NAV2: variants seen among roughly 807,000 people sequenced by gnomAD.
NAV2 encodes the protein neuron navigator 2, also known as helicase, APC down-regulated 1.
Under a neutral mutation model 223.2 loss-of-function variants are expected in NAV2, and 54 were observed. That is an observed-to-expected ratio of 0.24 (90% CI 0.19 to 0.30). NAV2 has a LOEUF of 0.30. Among genes scored for constraint, NAV2 ranks in the 10% least tolerant of loss-of-function variants. NAV2 has a pLI of 1.00. For missense variants in NAV2, 2,806 were observed against 3,147.5 expected (o/e 0.89, Z 2.60); for synonymous variants, 1,279 against 1,239.3 (o/e 1.03, Z -0.67).
In NAV2 at chr11:19,933,035, C is replaced by A; in HGVS notation, c.932-141C>A. On this transcript the variant is annotated intron_variant, in intron 6 of 37. Transcript: ENST00000349880. This position sits in a 1 kb window ranked among gnomAD's most constrained non-coding sequence, Gnocchi z 4.3. ...CAAGCCAGAAATTAAAACCTAACCA[C>A]AGATAATCCACAAAGTGGGCAATGG... 9.6e-7 allele frequency: 1 copy of A among 1,046,274 alleles called. No individual in the cohort carries two copies. The highest frequency in any genetic ancestry group is 1.3e-6 in the Non-Finnish European group (1 of 762,580). The allele number at this position is 1,046,274 out of a possible 1,614,324, so 64.8% of individuals were successfully genotyped here.
intron 1 of NAV2, among the ~76,000 whole-genome samples, chr11:19,774,449 TTACAGGTGTGAGC>T (rs1337166303): frequency 1.3e-5 from 2 of 152,220 alleles, no homozygotes; most frequent in Non-Finnish European, 2.9e-5. Flanking sequence ...AGTGCTAGGA[TTACAGGTGTGAGC>T]TACCGCGCTC....
Position 19,619,788 on chromosome 11 carries a change from T to G in NAV2, c.76-212696T>G, listed in dbSNP as rs183259102. Among the ~76,000 whole-genome samples, 1,289 of 152,154 alleles carry G rather than the reference T, an allele frequency of 8.5e-3. 7 individuals carry two copies. The highest frequency in any genetic ancestry group is 0.017 in the Admixed American group (257 of 15,278). On this transcript the variant is annotated intron_variant, in intron 1 of 37. Coordinates refer to the NAV2 transcript ENST00000360655. ...AATTAGACCCCATTTGTCAATTTTG[T>G]CTTTTGTTGCCATTGCTTTTGGTGT...
chr11:19,461,979 G>T (rs9633841), intron 1 of NAV2, among the ~76,000 whole-genome samples: 92,086 of 151,422 alleles, frequency 0.61, 28,730 homozygotes, highest in Non-Finnish European at 0.7. Context: ...CTAATTTTTT[G>T]TGTGTTTTTA....
chr11:20,056,251 C>T (rs2058356608), intron 19 of NAV2, among the ~76,000 whole-genome samples: 1 of 152,206 alleles, frequency 6.6e-6, no homozygotes, highest in African/African-American at 2.4e-5. Context: ...GGACTTGGGC[C>T]ACAGCTTCTT....
At chr11:19,451,098 C>T (rs924089602) in intron 1 of NAV2, among the ~76,000 whole-genome samples, 1 of 152,132 alleles carries the variant, frequency 6.6e-6, no homozygotes, top group Admixed American at 6.5e-5. Flanking sequence ...CTTTAGCTGT[C>T]CCCAGGTTAA....
At chr11:19,527,628 G>A (rs545252515) in intron 1 of NAV2, among the ~76,000 whole-genome samples, 7 of 38,836 alleles carry the variant, frequency 1.8e-4, no homozygotes, top group East Asian at 1.9e-3. Context: ...CCCCCACCCC[G>A]TCCACTCAGC....
chr11:19,517,407 A>G (rs2043492040), intron 1 of NAV2, among the ~76,000 whole-genome samples: 1 of 152,216 alleles, frequency 6.6e-6, no homozygotes, highest in Non-Finnish European at 1.5e-5. Context: ...TTAAATGAGA[A>G]TAATGACACC....
intron 1 of NAV2, among the ~76,000 whole-genome samples, chr11:19,376,296 T>G (rs1457053893): frequency 6.6e-6 from 1 of 152,208 alleles, no homozygotes; most frequent in Non-Finnish European, 1.5e-5. Flanking sequence ...AAAAAACAAT[T>G]GCTGGTGAAG....
At chr11:19,754,309 C>G (rs2054071095) in intron 1 of NAV2, among the ~76,000 whole-genome samples, 1 of 152,110 alleles carries the variant, frequency 6.6e-6, no homozygotes, top group Non-Finnish European at 1.5e-5. Flanking sequence ...GAATAAGGTG[C>G]CTGTTACATG....
chr11:19,813,096 G>A (rs1435095588), intron 1 of NAV2, among the ~76,000 whole-genome samples: 2 of 152,126 alleles, frequency 1.3e-5, no homozygotes, highest in African/African-American at 4.8e-5. Flanking sequence ...TTCTTTGCAG[G>A]AGTGAGACCT....
chr11:19,510,396 CCTT>C (rs2043242785), intron 1 of NAV2, among the ~76,000 whole-genome samples: 2 of 152,234 alleles, frequency 1.3e-5, no homozygotes, highest in Admixed American at 6.5e-5. Context: ...TTTCTTGTCT[CCTT>C]CTCTGATAAC....
chr11:19,478,213 G>A (rs1015025877), intron 1 of NAV2, among the ~76,000 whole-genome samples: 33 of 152,170 alleles, frequency 2.2e-4, no homozygotes, highest in African/African-American at 7.2e-4. Context: ...CAGGCATGGT[G>A]GAGGTGAGAT....
intron 1 of NAV2, among the ~76,000 whole-genome samples, chr11:19,367,932 G>T (rs188889554): frequency 3.9e-5 from 6 of 152,252 alleles, no homozygotes; most frequent in African/African-American, 1.4e-4. Flanking sequence ...TTCATTCAAT[G>T]CATTCCTCCT....
chr11:19,403,011 G>A (rs1037922646), intron 1 of NAV2, among the ~76,000 whole-genome samples: 2 of 152,302 alleles, frequency 1.3e-5, no homozygotes, highest in South Asian at 4.2e-4. Flanking sequence ...AGAGCTGGGC[G>A]CAAACTCCAG....
At chr11:19,448,001 T>G (rs550576250) in intron 1 of NAV2, among the ~76,000 whole-genome samples, 1 of 152,332 alleles carries the variant, frequency 6.6e-6, no homozygotes, top group African/African-American at 2.4e-5. Context: ...TAGCTTGAGC[T>G]GTTGCCCACC....
chr11:19,898,959 CA>C lies in NAV2; in HGVS notation c.931+6371del, dbSNP rs377520854. Among the ~76,000 whole-genome samples the C allele has an allele frequency of 1.7e-3, 266 of 152,274 alleles. 4 individuals carry two copies. Among genetic ancestry groups the C allele is most frequent in the African/African-American group, 6.1e-3 (255 of 41,554 alleles). ...GACAACCAGTTGCCTTAACATAGTA[CA>C]AAAAAGCACTTGAGTTTGAGGTCAA... On this transcript the variant is annotated intron_variant, in intron 6 of 37. Transcript: ENST00000349880.
intron 1 of NAV2, among the ~76,000 whole-genome samples, chr11:19,427,552 A>T (rs1850879625): frequency 6.6e-6 from 1 of 152,198 alleles, no homozygotes; most frequent in Non-Finnish European, 1.5e-5. Context: ...AGCCTTTGGG[A>T]CACATGACTT....
At chr11:19,829,474 G>A (rs1398802733) in intron 1 of NAV2, among the ~76,000 whole-genome samples, 1 of 152,152 alleles carries the variant, frequency 6.6e-6, no homozygotes, top group Non-Finnish European at 1.5e-5. Flanking sequence ...ATTTTGTTAT[G>A]TCCATTTCAC....
chr11:19,705,120 T>TAAATA (rs398015479), intron 1 of NAV2, among the ~76,000 whole-genome samples: 4 of 150,028 alleles, frequency 2.7e-5, no homozygotes, highest in African/African-American at 7.4e-5. Context: ...AATAAATAAA[T>TAAATA]AAGTCTTCTG....
Sources: gnomAD v4.1 joint callset for allele counts (sites outside exome capture counted in the v4.1 genomes callset) on GRCh38, gnomAD v4.1.1 for gene constraint, Gnocchi (gnomAD v3.1) non-coding constraint, MANE v1.5 for transcripts, NCBI Gene and HGNC (gene_info 2026-07-23, HGNC 2026-07-21) for gene names.